THADA: variants seen among roughly 807,000 people sequenced by gnomAD.
THADA encodes the protein tRNA (32-2'-O)-methyltransferase regulator THADA.
In THADA, 213 loss-of-function variants were observed where a neutral mutation model predicts 219.8. That is an observed-to-expected ratio of 0.97 (90% CI 0.87 to 1.09). The LOEUF (loss-of-function observed/expected upper bound fraction) is 1.09, where lower values mean the gene tolerates loss of function less well. Ranked by LOEUF, THADA falls within the 50% of genes least tolerant of loss-of-function variation. THADA has a pLI of 0.00. For synonymous variants in THADA, 1,018 were observed against 828.9 expected, an observed-to-expected ratio of 1.23 and a Z score of -3.92; for missense variants, 2,956 against 2,311.3, an observed-to-expected ratio of 1.28 and a Z score of -5.72.
Position 43,572,799 on chromosome 2 carries a change from ATTTTC to A in THADA, c.1908+10_1908+14del. 6.2e-7 allele frequency: 1 copy of A among 1,611,538 alleles called. No homozygotes were observed. The highest frequency in any genetic ancestry group is 8.5e-7 in the Non-Finnish European group (1 of 1,178,696). Reference sequence around the variant, plus strand: ...TCTACTGCATGTACAAATCCAGGTAATTTTCTTTACTTACTTGGCAATGCTGATGA... The same window carrying A: ...TCTACTGCATGTACAAATCCAGGTAATTTACTTACTTGGCAATGCTGATGA... On this transcript the variant is annotated intron_variant, in intron 12 of 37. Coordinates refer to ENST00000405975, the MANE Select transcript of THADA (RefSeq NM_022065.5).
At chr2:43,343,462 C>G (rs962626468) in intron 30 of THADA, 4 of 152,222 alleles carry the variant, frequency 2.6e-5, no homozygotes, top group Non-Finnish European at 4.4e-5. Context: ...TTGCAGTTAA[C>G]ACTATCCTAC....
intron 22 of THADA, among the ~76,000 whole-genome samples, chr2:43,525,661 G>A (rs982267066): frequency 2.8e-4 from 42 of 152,316 alleles, no homozygotes; most frequent in Middle Eastern, 3.4e-3. Context: ...TCATCTGCCA[G>A]CTGAATGCCA....
At chr2:43,395,703 C>T (rs1673947619) in intron 29 of THADA, among the ~76,000 whole-genome samples, 1 of 152,208 alleles carries the variant, frequency 6.6e-6, no homozygotes, top group Admixed American at 6.5e-5. Flanking sequence ...ATATTGATAA[C>T]TAATGCAATA....
intron 26 of THADA, among the ~76,000 whole-genome samples, chr2:43,469,129 A>C (rs1684611251): frequency 6.6e-6 from 1 of 152,212 alleles, no homozygotes; most frequent in Non-Finnish European, 1.5e-5. Context: ...TTGAACCCAA[A>C]GGATGGGGGA....
chr2:43,585,570 AG>A (rs1700932344), intron 7 of THADA, among the ~76,000 whole-genome samples: 3 of 148,612 alleles, frequency 2.0e-5, no homozygotes, highest in Non-Finnish European at 4.4e-5. Flanking sequence ...ATAGATAGAT[AG>A]ATAGATAGAA....
At chr2:43,334,508 T>A (rs1226782406) in intron 30 of THADA, among the ~76,000 whole-genome samples, 1 of 152,184 alleles carries the variant, frequency 6.6e-6, no homozygotes, top group Non-Finnish European at 1.5e-5. Context: ...GCTTTCCTTG[T>A]AACCTTGGAA....
At chr2:43,429,462 C>G (rs1165806384) in intron 27 of THADA, among the ~76,000 whole-genome samples, 2 of 152,038 alleles carry the variant, frequency 1.3e-5, no homozygotes, top group Admixed American at 1.3e-4. Context: ...CTCGTAATGG[C>G]TTTGCTCTGT....
intron 7 of THADA, 37 bp from the exon 8 acceptor site, chr2:43,581,965 T>A (rs1207695482): frequency 1.4e-6 from 2 of 1,436,424 alleles, no homozygotes; most frequent in African/African-American, 1.4e-5. Context: ...AAAAGGAAAT[T>A]CAAACAAAAG....
chr2:43,592,312 C>T lies in THADA; in HGVS notation c.76+5G>A. The T allele has an allele frequency of 1.3e-6, 2 of 1,596,874 alleles. No homozygotes were observed. The highest frequency in any genetic ancestry group is 1.7e-6 in the Non-Finnish European group (2 of 1,172,028). ...ATATAATAAGGGAAACCAGAAGTCA[C>T]CTACATTTCAAAGTTTCAAGGTCCT... is the stretch of plus-strand genomic sequence containing the variant. On this transcript the variant is annotated splice_donor_5th_base_variant and intron_variant, in intron 2 of 37. Coordinates refer to ENST00000405975, the MANE Select transcript of THADA (RefSeq NM_022065.5).
At position 43,254,080 on chromosome 2, in the gene THADA, C is replaced by T. The variant is rs577731232; in HGVS notation, c.5297-21198G>A. 1.1e-4 allele frequency among the ~76,000 whole-genome samples: 17 copies of T among 152,012 alleles called. 1 individual carries two copies. The South Asian group carries it at 3.5e-3, about 32-fold the overall frequency. On this transcript the variant is annotated intron_variant, in intron 36 of 37. Transcript: ENST00000405975. ...CGCTCCAGACAGGTTCCAGGCCTAT[C>T]CCTGAACTAATCTCAGAGGCCAGGA...
intron 22 of THADA, among the ~76,000 whole-genome samples, chr2:43,516,885 C>G (rs1007264328): frequency 1.3e-5 from 2 of 152,018 alleles, no homozygotes; most frequent in Non-Finnish European, 2.9e-5. Flanking sequence ...AAAATAGAAC[C>G]GCAGAATAAA....
chr2:43,261,824 A>T (rs1175020960), intron 36 of THADA, among the ~76,000 whole-genome samples: 2 of 152,118 alleles, frequency 1.3e-5, no homozygotes, highest in Non-Finnish European at 2.9e-5. Flanking sequence ...TTTAGTAGAG[A>T]CGGGGTTTCA....
intron 28 of THADA, among the ~76,000 whole-genome samples, chr2:43,412,561 C>G (rs959131670): frequency 3.3e-5 from 5 of 152,124 alleles, no homozygotes; most frequent in African/African-American, 7.2e-5. Context: ...ATCTGTATCA[C>G]CAGTTCATAC....
Position 43,551,827 on chromosome 2 carries a change from G to A in THADA, c.2909C>T (p.Ser970Leu), listed in dbSNP as rs1209782572. The A allele has an allele frequency of 1.1e-5, 17 of 1,613,668 alleles. No homozygotes were observed. The highest frequency in any genetic ancestry group is 4.4e-5 in the South Asian group (4 of 91,076). ...STVVSPVIQSSSPEGLIPMDT... is the reference protein window; with the variant it reads ...STVVSPVIQSLSPEGLIPMDT... ...CATTGGGATGAGGCCTTCAGGGGATGAGCTCTGAATGACTGGAGACACCAC... is the reference window on the plus strand; with the variant it reads ...CATTGGGATGAGGCCTTCAGGGGATAAGCTCTGAATGACTGGAGACACCAC... Residue 970 changes from serine (S) to leucine (L), a missense_variant, in exon 19 of 38, where the codon TCA becomes TTA. By Grantham distance (145) the Ser-to-Leu change is moderately radical. Transcript: ENST00000405975.
intron 22 of THADA, among the ~76,000 whole-genome samples, chr2:43,520,692 A>G (rs1692288757): frequency 7.3e-6 from 1 of 136,620 alleles, no homozygotes; most frequent in Non-Finnish European, 1.6e-5. Flanking sequence ...CCTATCTCAA[A>G]TATTTATACG....
At chr2:43,378,045 T>C (rs1318110592) in intron 29 of THADA, among the ~76,000 whole-genome samples, 2 of 152,168 alleles carry the variant, frequency 1.3e-5, no homozygotes, top group Non-Finnish European at 2.9e-5. Flanking sequence ...GGAGAAAATA[T>C]TGCAGAGGTG....
intron 28 of THADA, among the ~76,000 whole-genome samples, chr2:43,419,222 G>A (rs994522342): frequency 2.0e-5 from 3 of 152,166 alleles, no homozygotes; most frequent in East Asian, 3.8e-4. Context: ...TGGTGATGAA[G>A]AGTGATCACA....
intron 26 of THADA, among the ~76,000 whole-genome samples, chr2:43,444,979 A>ATC: frequency 6.6e-6 from 1 of 152,202 alleles, no homozygotes; most frequent in Non-Finnish European, 1.5e-5. Context: ...AAATCTGGTC[A>ATC]CTGGATGAAA....
rs763479058 is a variant in THADA, at chr2:43,279,768, T to C, written c.5293A>G (p.Thr1765Ala). Residue 1765 changes from threonine (T) to alanine (A), a missense_variant, in exon 36 of 38, where the codon ACA becomes GCA. By Grantham distance (58) the Thr-to-Ala change is moderately conservative. Transcript: ENST00000405975. ...AMSQENTCQS[T>A]EFAFCQVDAS... ...CAAAAGGATAAGAACGAGGTACCTG[T>C]TGACTGGCAGGTATTTTCTTGTGAC... 6.5e-7 allele frequency: 1 copy of C among 1,548,604 alleles called. No homozygotes were observed. Among genetic ancestry groups the C allele is most frequent in the East Asian group, 2.4e-5 (1 of 41,064 alleles).
Sources: allele counts gnomAD v4.1 joint callset (sites outside exome capture counted in the v4.1 genomes callset), GRCh38; gene constraint gnomAD v4.1.1; transcripts MANE v1.5; gene names NCBI Gene and HGNC (gene_info 2026-07-23, HGNC 2026-07-21).